Variants in MIER3 observed in about 807,000 individuals in gnomAD.
MIER3 encodes MIER family member 3.
MIER3 carries 9 observed loss-of-function variants against 63.2 expected under a neutral mutation model. That is an observed-to-expected ratio of 0.14 (90% CI 0.09 to 0.25). The LOEUF (loss-of-function observed/expected upper bound fraction) is 0.25. Among genes scored for constraint, MIER3 ranks in the 10% least tolerant of loss-of-function variants. MIER3 has a pLI of 1.00. For missense variants in MIER3, 512 were observed against 666.2 expected (o/e 0.77, Z 2.55); for synonymous variants, 205 against 224.9 (o/e 0.91, Z 0.79).
intron 5 of MIER3, chr5:56,936,907 A>G (rs183624871): frequency 9.8e-5 from 15 of 152,300 alleles, no homozygotes; most frequent in Admixed American, 9.2e-4. Flanking sequence ...TTGAGCACTG[A>G]TAAGTTTTCA....
At chr5:56,949,599 C>G (rs1415029478) in intron 2 of MIER3, among the ~76,000 whole-genome samples, 1 of 152,156 alleles carries the variant, frequency 6.6e-6, no homozygotes, top group East Asian at 1.9e-4. Flanking sequence ...ATTTCTTCTA[C>G]TTGGTGTTAT....
Position 56,941,920 on chromosome 5 carries a change from G to A in MIER3, c.181-2903C>T, listed in dbSNP as rs533296630. ...TGGGTCACTGGACGTGGGAGGGAAA[G>A]GGAAGGAGGACTCCCCAGTTTTCTA... On this transcript the variant is annotated intron_variant, in intron 3 of 12. Transcript: ENST00000381199. Among the ~76,000 whole-genome samples the A allele has an allele frequency of 2.2e-4, 33 of 152,254 alleles. 1 individual carries two copies. The highest frequency in any genetic ancestry group is 6.0e-4 in the African/African-American group (25 of 41,538).
intron 10 of MIER3, among the ~76,000 whole-genome samples, chr5:56,924,262 T>G (rs1055622777): frequency 6.6e-6 from 1 of 152,144 alleles, no homozygotes; most frequent in African/African-American, 2.4e-5. Flanking sequence ...GGTTTTTTTT[T>G]TAAAAAAATC....
chr5:56,938,005 G>A (rs1750512209), intron 4 of MIER3, among the ~76,000 whole-genome samples: 1 of 152,008 alleles, frequency 6.6e-6, no homozygotes. Context: ...AAAACAGTCT[G>A]ACTTTTAAGT....
chr5:56,950,590 A>G, intron 2 of MIER3, 38 bp downstream of exon 2: 1 of 1,611,736 alleles, frequency 6.2e-7, no homozygotes, highest in Middle Eastern at 1.7e-4. Flanking sequence ...CACATTACCC[A>G]CTGGGAACCA....
chr5:56,936,513 T>G (rs778945247), intron 5 of MIER3, among the ~76,000 whole-genome samples: 6 of 152,096 alleles, frequency 3.9e-5, no homozygotes, highest in Non-Finnish European at 8.8e-5. Flanking sequence ...CCAAACATTT[T>G]ATTTATTTAT....
At chr5:56,934,177 A>G (rs573804669) in intron 7 of MIER3, among the ~76,000 whole-genome samples, 1 of 152,270 alleles carries the variant, frequency 6.6e-6, no homozygotes, top group South Asian at 2.1e-4. Context: ...GACTATAGCT[A>G]ATAAAAATAA....
chr5:56,932,520 G>A (rs1750304248), intron 8 of MIER3, among the ~76,000 whole-genome samples: 1 of 152,132 alleles, frequency 6.6e-6, no homozygotes, highest in Admixed American at 6.5e-5. Flanking sequence ...TCAAGTTTGT[G>A]TCTGCCTACC....
Position 56,922,058 on chromosome 5 carries a change from G to C in MIER3, c.*1070C>G, listed in dbSNP as rs1171777957. 6.6e-6 allele frequency: 1 copy of C among 152,548 alleles called. No individual in the cohort carries two copies. The highest frequency in any genetic ancestry group is 1.9e-4 in the East Asian group (1 of 5,190). The allele number at this position is 152,548 out of a possible 1,614,324, so 9.4% of individuals were successfully genotyped here. ...CACATTATTCTTGCCAACTGTTCAA[G>C]CTTAACAAAAAAGCTTAAATATACT... is the stretch of plus-strand genomic sequence containing the variant. On this transcript the variant is annotated 3_prime_UTR_variant, in exon 13 of 13. Coordinates refer to ENST00000381199, the MANE Select transcript of MIER3 (RefSeq NM_001297599.2).
rs768087133 is a variant in MIER3 at position 56,923,371 on chromosome 5, C to T, written c.1410G>A (p.Met470Ile). 2.2e-5 allele frequency: 36 copies of T among 1,614,042 alleles called. No individual in the cohort carries two copies. In the Admixed American group the frequency reaches 3.5e-4, roughly 16 times the overall value. The change falls in exon 13 of 13, where the codon ATG becomes ATA. Residue 470 changes from methionine to isoleucine, a missense_variant. Coordinates refer to ENST00000381199, the MANE Select transcript of MIER3 (RefSeq NM_001297599.2). ...FYHSELNPMNMCSEESERPAK... is the reference protein window; with the variant it reads ...FYHSELNPMNICSEESERPAK... ...CTGGTCTCTCTGACTCTTCACTGCACATGTTCATAGGGTTTAGCTCCGAGT... is the reference window on the plus strand; with the variant it reads ...CTGGTCTCTCTGACTCTTCACTGCATATGTTCATAGGGTTTAGCTCCGAGT...
At chr5:56,941,073 T>G (rs2591964) in intron 3 of MIER3, 257,111 of 985,020 alleles carry the variant, frequency 0.26, 34,657 homozygotes, top group East Asian at 0.54. Flanking sequence ...ACTAGCTACT[T>G]GCTACTGGAC....
At chr5:56,926,972 T>C (rs972820323) in intron 10 of MIER3, among the ~76,000 whole-genome samples, 1 of 152,056 alleles carries the variant, frequency 6.6e-6, no homozygotes, top group Middle Eastern at 3.2e-3. Flanking sequence ...TATTGCTAAG[T>C]CAAAGAAGCC....
chr5:56,936,164 C>T (rs1750438830), intron 5 of MIER3, among the ~76,000 whole-genome samples: 1 of 151,946 alleles, frequency 6.6e-6, no homozygotes, highest in African/African-American at 2.4e-5. Flanking sequence ...TGGCAGTAAG[C>T]CAAGATCACG....
intron 2 of MIER3, among the ~76,000 whole-genome samples, chr5:56,950,292 T>G (rs1201143218): frequency 1.3e-5 from 2 of 152,220 alleles, no homozygotes; most frequent in Non-Finnish European, 2.9e-5. Flanking sequence ...AAACCGAAGT[T>G]AAAATCTAAA....
At chr5:56,935,792 T>C (rs764640135) in intron 5 of MIER3, 41 bp from the exon 6 acceptor site, 18 of 1,478,786 alleles carry the variant, frequency 1.2e-5, no homozygotes, top group Non-Finnish European at 1.7e-5. Flanking sequence ...CTGCCTATTT[T>C]TGCAGAACCT....
intron 2 of MIER3, among the ~76,000 whole-genome samples, chr5:56,948,765 G>A (rs1051388067): frequency 2.0e-5 from 3 of 152,226 alleles, no homozygotes; most frequent in African/African-American, 7.2e-5. Context: ...TTCTTGGCAA[G>A]TTCCATGGTA....
At chr5:56,927,321 A>G (rs749281340) in intron 10 of MIER3, among the ~76,000 whole-genome samples, 1 of 152,140 alleles carries the variant, frequency 6.6e-6, no homozygotes, top group Non-Finnish European at 1.5e-5. Context: ...TAAAAGATAT[A>G]ATAATAACTA....
chr5:56,949,130 C>T (rs374648838), intron 2 of MIER3, among the ~76,000 whole-genome samples: 6 of 152,016 alleles, frequency 3.9e-5, no homozygotes, highest in African/African-American at 1.4e-4. Context: ...CCGAGGCAGG[C>T]GGATCACTTG....
intron 10 of MIER3, among the ~76,000 whole-genome samples, chr5:56,927,676 G>C (rs1163988605): frequency 1.3e-5 from 2 of 152,092 alleles, no homozygotes; most frequent in South Asian, 4.1e-4. Flanking sequence ...CATTGGAGTA[G>C]TGTATCTGTT....
Sources: gnomAD v4.1 joint callset for allele counts (sites outside exome capture counted in the v4.1 genomes callset) on GRCh38, gnomAD v4.1.1 for gene constraint, MANE v1.5 for transcripts, NCBI Gene and HGNC (gene_info 2026-07-23, HGNC 2026-07-21) for gene names.